Variants in USP54 observed in about 807,000 individuals in gnomAD.
The protein encoded by USP54 is ubiquitin specific peptidase 54, also known as ubiquitin carboxyl-terminal hydrolase 54.
Under a neutral mutation model 170.5 loss-of-function variants are expected in USP54, and 87 were observed. That is an observed-to-expected ratio of 0.51 (90% CI 0.43 to 0.61). The LOEUF (loss-of-function observed/expected upper bound fraction) is 0.61. Among genes scored for constraint, USP54 ranks in the 20% least tolerant of loss-of-function variants. USP54 has a pLI of 0.00. For missense variants in USP54, 1,786 were observed against 2,047.8 expected (o/e 0.87, Z 2.47); for synonymous variants, 655 against 742.8 (o/e 0.88, Z 1.92).
At chr10:73,533,193 C>A (rs1277272291) in intron 12 of USP54, among the ~76,000 whole-genome samples, 2 of 151,966 alleles carry the variant, frequency 1.3e-5, no homozygotes, top group African/African-American at 2.4e-5. Context: ...GTGGTCCCAG[C>A]TACTCGGGAG....
At chr10:73,529,547 G>A (rs1310869340) in intron 15 of USP54, 133 bp downstream of exon 15, 1 of 976,552 alleles carries the variant, frequency 1.0e-6, no homozygotes, top group South Asian at 1.3e-5. Context: ...TGTTGTTATA[G>A]GAAGTTGAAA....
At chr10:73,610,405 C>T (rs1348431432) in intron 1 of USP54, among the ~76,000 whole-genome samples, 3 of 151,930 alleles carry the variant, frequency 2.0e-5, no homozygotes, top group African/African-American at 4.8e-5. Context: ...GCGGATCACT[C>T]GAGGTCAGGA....
At chr10:73,506,441 A>T (rs2059139693) in intron 20 of USP54, 2 of 152,178 alleles carry the variant, frequency 1.3e-5, no homozygotes, top group African/African-American at 4.8e-5. Context: ...CAACTAATTA[A>T]GTTTTCCATT....
At chr10:73,511,420 G>C (rs2060189124) in intron 20 of USP54, among the ~76,000 whole-genome samples, 1 of 151,906 alleles carries the variant, frequency 6.6e-6, no homozygotes, top group Non-Finnish European at 1.5e-5. Flanking sequence ...CAGCACTTTG[G>C]GAAGCTGAGG....
In USP54 at chr10:73,618,919, T is replaced by A. The variant is rs527306773; in HGVS notation, c.-18+6648A>T. On this transcript the variant is annotated intron_variant, in intron 1 of 22. Transcript: ENST00000339859. ...GAGCGAGACTCCATCTCAAAAAAAA[T>A]TTTTTTGGTAGAGGCCAGGCAGGTG... Among the ~76,000 whole-genome samples, 10 of 148,302 alleles carry A rather than the reference T, an allele frequency of 6.7e-5. 1 individual carries two copies. The highest frequency in any genetic ancestry group is 6.0e-4 in the East Asian group (3 of 4,996).
At chr10:73,588,215 TTTTTTG>T (rs200190110) in intron 1 of USP54, among the ~76,000 whole-genome samples, 5,347 of 152,146 alleles carry the variant, frequency 0.035, 151 homozygotes, top group South Asian at 0.11. Flanking sequence ...GTTGTTGTTG[TTTTTTG>T]TTTTTGTTTT....
intron 4 of USP54, among the ~76,000 whole-genome samples, chr10:73,566,649 T>G (rs2073895004): frequency 6.6e-6 from 1 of 151,730 alleles, no homozygotes; most frequent in Admixed American, 6.6e-5. Flanking sequence ...GAGAATCACT[T>G]GAACCCAGGA....
chr10:73,571,997 A>C (rs772527636), intron 3 of USP54, among the ~76,000 whole-genome samples: 1 of 152,200 alleles, frequency 6.6e-6, no homozygotes, highest in Non-Finnish European at 1.5e-5. Context: ...AAAAATAATG[A>C]TTTTTATACT....
chr10:73,621,457 G>A (rs1391671244), intron 1 of USP54, among the ~76,000 whole-genome samples: 9 of 151,398 alleles, frequency 5.9e-5, no homozygotes, highest in Middle Eastern at 3.4e-3. Context: ...AAAAATAGCC[G>A]GGCATGGTGG....
intron 1 of USP54, among the ~76,000 whole-genome samples, chr10:73,615,575 T>C (rs2080553808): frequency 6.7e-6 from 1 of 150,352 alleles, no homozygotes; most frequent in Non-Finnish European, 1.5e-5. Flanking sequence ...ACATCTCATG[T>C]ACCCAATAAA....
chr10:73,548,085 C>A (rs969942685), intron 4 of USP54, among the ~76,000 whole-genome samples: 7 of 152,070 alleles, frequency 4.6e-5, no homozygotes, highest in African/African-American at 1.7e-4. Context: ...TGAACAGACA[C>A]TTCTCAAAAG....
chr10:73,563,700 G>C (rs1178842707), intron 4 of USP54, among the ~76,000 whole-genome samples: 2 of 152,110 alleles, frequency 1.3e-5, no homozygotes, highest in Non-Finnish European at 1.5e-5. Flanking sequence ...GCCTCCCAAA[G>C]TGCTGGGATT....
At chr10:73,550,137 T>G (rs1179426821) in intron 4 of USP54, among the ~76,000 whole-genome samples, 1 of 152,206 alleles carries the variant, frequency 6.6e-6, no homozygotes. Context: ...TTGGCCAGGT[T>G]GGTCTTGAAT....
chr10:73,587,028 C>T (rs1223251787), intron 1 of USP54, among the ~76,000 whole-genome samples: 1 of 152,126 alleles, frequency 6.6e-6, no homozygotes, highest in South Asian at 2.1e-4. Flanking sequence ...CAAAAAGGCA[C>T]GTTTCACTTT....
At chr10:73,508,141 C>T (rs763042959) in intron 20 of USP54, among the ~76,000 whole-genome samples, 27 of 152,194 alleles carry the variant, frequency 1.8e-4, no homozygotes, top group South Asian at 8.3e-4. Context: ...GGTGCGATGG[C>T]TCATGCCTGT....
At chr10:73,565,170 T>C (rs191469472) in intron 4 of USP54, among the ~76,000 whole-genome samples, 163 of 152,214 alleles carry the variant, frequency 1.1e-3, no homozygotes, top group South Asian at 0.011. Flanking sequence ...GAAATAAATC[T>C]TTGGTATATT....
intron 1 of USP54, among the ~76,000 whole-genome samples, chr10:73,578,934 A>G (rs1295783926): frequency 1.3e-5 from 2 of 150,294 alleles, no homozygotes; most frequent in African/African-American, 5.0e-5. Flanking sequence ...TTGGTTGGGC[A>G]AAGATTCCTT....
intron 3 of USP54, among the ~76,000 whole-genome samples, chr10:73,574,276 A>T (rs1589234907): frequency 6.6e-6 from 1 of 152,162 alleles, no homozygotes; most frequent in East Asian, 1.9e-4. Flanking sequence ...AGCTCTGTTC[A>T]AGTGTATCTG....
chr10:73,506,093 G>C (rs2059084441), intron 20 of USP54: 1 of 152,194 alleles, frequency 6.6e-6, no homozygotes. Flanking sequence ...GTTCAGAATA[G>C]AAATGATCAT....
Sources: allele counts gnomAD v4.1 joint callset (sites outside exome capture counted in the v4.1 genomes callset), GRCh38; gene constraint gnomAD v4.1.1; transcripts MANE v1.5; gene names NCBI Gene and HGNC (gene_info 2026-07-23, HGNC 2026-07-21).